The following ATP8A2 variants were observed in gnomAD, a reference collection of about 807,000 sequenced individuals.
ATP8A2 encodes the protein ATPase phospholipid transporting 8A2, also known as phospholipid-transporting ATPase IB.
In ATP8A2, 100 loss-of-function variants were observed where a neutral mutation model predicts 165.6. The observed-to-expected ratio is 0.60, with a 90% confidence interval of 0.51 to 0.71. ATP8A2 has a LOEUF of 0.71. Among genes scored for constraint, ATP8A2 ranks in the 30% least tolerant of loss-of-function variants. The pLI is 0.00. For missense variants in ATP8A2, 1,227 were observed against 1,479.5 expected (o/e 0.83, Z 2.80); for synonymous variants, 543 against 548.8 (o/e 0.99, Z 0.15).
intron 27 of ATP8A2, among the ~76,000 whole-genome samples, chr13:25,817,305 A>G (rs80055865): frequency 0.013 from 1,831 of 145,974 alleles, 17 homozygotes; most frequent in Middle Eastern, 0.021. Context: ...ATTAAAAATC[A>G]ATTTAATTGT....
chr13:25,800,491 T>G (rs1950599992), intron 27 of ATP8A2, among the ~76,000 whole-genome samples: 5 of 152,212 alleles, frequency 3.3e-5, no homozygotes, highest in Admixed American at 3.3e-4. Flanking sequence ...CCCGTGATTT[T>G]TCAAGAATCT....
rs185529140 is a variant in ATP8A2 at position 25,987,927 on chromosome 13, T to C, written c.3377+19248T>C. Among the ~76,000 whole-genome samples the C allele has an allele frequency of 1.4e-4, 21 of 152,370 alleles. No homozygotes were observed. In the East Asian group the frequency reaches 3.9e-3, roughly 28 times the overall value. On this transcript the variant is annotated intron_variant, in intron 35 of 36. Coordinates refer to ENST00000381655, the MANE Select transcript of ATP8A2 (RefSeq NM_016529.6). ...TTTCTTCGTGTGGCTGATTTGCAGA[T>C]CCATTAGTTACATTCACCTTTGGCT...
intron 1 of ATP8A2, among the ~76,000 whole-genome samples, chr13:25,421,102 A>G (rs989694441): frequency 1.3e-5 from 2 of 152,250 alleles, no homozygotes; most frequent in Admixed American, 6.5e-5. Context: ...GAGAGCTCAC[A>G]TTCTTTAGAA....
intron 33 of ATP8A2, among the ~76,000 whole-genome samples, chr13:25,895,771 T>G (rs1206967313): frequency 2.6e-5 from 4 of 152,236 alleles, no homozygotes; most frequent in Non-Finnish European, 4.4e-5. Context: ...GGAGAGGGTA[T>G]GTATCGAGGA....
intron 25 of ATP8A2, among the ~76,000 whole-genome samples, chr13:25,763,746 C>T (rs1289070168): frequency 6.6e-6 from 1 of 152,158 alleles, no homozygotes; most frequent in East Asian, 1.9e-4. Flanking sequence ...AGTTTGGATC[C>T]GAGCACAGAT....
At position 25,979,722 on chromosome 13, in the gene ATP8A2, C is replaced by T. The variant is rs141384968; in HGVS notation, c.3377+11043C>T. 6.5e-3 allele frequency among the ~76,000 whole-genome samples: 984 copies of T among 152,248 alleles called. 5 individuals are homozygous for T. Among genetic ancestry groups the T allele is most frequent in the Middle Eastern group, 0.027 (8 of 294 alleles). ...CCGGCCTAGAATGAGAGAGGGAATT[C>T]CTATTGCTTTAGAGCTCGCCTGGTA... is the stretch of plus-strand genomic sequence containing the variant. On this transcript the variant is annotated intron_variant, in intron 35 of 36. Coordinates refer to ENST00000381655, the MANE Select transcript of ATP8A2 (RefSeq NM_016529.6).
chr13:25,913,076 G>A (rs1229893433), intron 33 of ATP8A2, among the ~76,000 whole-genome samples: 1 of 152,170 alleles, frequency 6.6e-6, no homozygotes, highest in African/African-American at 2.4e-5. Context: ...CTAAAGAATC[G>A]CAGAGCAAAG....
At chr13:25,593,265 A>C (rs555353731) in intron 24 of ATP8A2, among the ~76,000 whole-genome samples, 1 of 152,226 alleles carries the variant, frequency 6.6e-6, no homozygotes, top group African/African-American at 2.4e-5. Context: ...CCCAACAATT[A>C]GAAGCATTTG....
chr13:25,795,371 G>A (rs1165447790), intron 27 of ATP8A2, among the ~76,000 whole-genome samples: 1 of 152,116 alleles, frequency 6.6e-6, no homozygotes, highest in East Asian at 1.9e-4. Context: ...TAATTCACAA[G>A]TGCAAAGACC....
intron 33 of ATP8A2, chr13:25,863,724 TG>T (rs1349679966): frequency 6.6e-6 from 1 of 152,292 alleles, no homozygotes; most frequent in African/African-American, 2.4e-5. Context: ...CCATTTCACC[TG>T]GTAGCTCTGT....
At chr13:25,545,496 G>A (rs2138017891) in intron 10 of ATP8A2, among the ~76,000 whole-genome samples, 1 of 151,342 alleles carries the variant, frequency 6.6e-6, no homozygotes, top group African/African-American at 2.4e-5. Flanking sequence ...GACATAGTGA[G>A]ACCCCATTTC....
At chr13:25,692,019 G>T (rs983780321) in intron 24 of ATP8A2, among the ~76,000 whole-genome samples, 4 of 152,126 alleles carry the variant, frequency 2.6e-5, no homozygotes, top group Non-Finnish European at 5.9e-5. Flanking sequence ...TATGAAAGTG[G>T]CAGGGAAATG....
At chr13:26,003,663 A>G (rs1956680379) in intron 35 of ATP8A2, among the ~76,000 whole-genome samples, 1 of 152,100 alleles carries the variant, frequency 6.6e-6, no homozygotes, top group Non-Finnish European at 1.5e-5. Flanking sequence ...ACTCGTATAT[A>G]TAAGTCTTTA....
At chr13:25,399,397 C>CTCTTTTT (rs2033543539) in intron 1 of ATP8A2, among the ~76,000 whole-genome samples, 1 of 74,058 alleles carries the variant, frequency 1.4e-5, no homozygotes, top group Non-Finnish European at 2.4e-5. Context: ...AGTGGTTCTT[C>CTCTTTTT]TTTTTTTTTT....
At chr13:25,823,132 A>G (rs1181365767) in intron 27 of ATP8A2, among the ~76,000 whole-genome samples, 5 of 152,226 alleles carry the variant, frequency 3.3e-5, no homozygotes, top group African/African-American at 9.6e-5. Context: ...GTTGTCAGAA[A>G]GATAGGTGGG....
chr13:25,752,941 T>C (rs2044183630), intron 25 of ATP8A2, among the ~76,000 whole-genome samples: 1 of 152,150 alleles, frequency 6.6e-6, no homozygotes, highest in Non-Finnish European at 1.5e-5. Context: ...TTGAGCTATG[T>C]GTGATAGCAG....
At chr13:25,782,708 A>G (rs971213966) in intron 27 of ATP8A2, among the ~76,000 whole-genome samples, 3 of 152,190 alleles carry the variant, frequency 2.0e-5, no homozygotes, top group African/African-American at 7.2e-5. Context: ...AATGCTATGT[A>G]AATAGTTGTT....
chr13:25,435,325 T>C (rs1477572614), intron 1 of ATP8A2, among the ~76,000 whole-genome samples: 1 of 152,076 alleles, frequency 6.6e-6, no homozygotes, highest in Non-Finnish European at 1.5e-5. Context: ...TTCACCATGT[T>C]GGTCAGGCTG....
intron 1 of ATP8A2, among the ~76,000 whole-genome samples, chr13:25,442,731 C>G (rs749740023): frequency 1.7e-4 from 26 of 152,136 alleles, no homozygotes; most frequent in Non-Finnish European, 2.5e-4. Context: ...ATTTGCATTT[C>G]CCTGAGTATT....
Sources: allele counts gnomAD v4.1 joint callset (sites outside exome capture counted in the v4.1 genomes callset), GRCh38; gene constraint gnomAD v4.1.1; transcripts MANE v1.5; gene names NCBI Gene and HGNC (gene_info 2026-07-23, HGNC 2026-07-21).